GEN1: variants seen among roughly 807,000 people sequenced by gnomAD.
The protein encoded by GEN1 is GEN1 structure-specific endonuclease, also known as flap endonuclease GEN homolog 1.
In GEN1, 64 loss-of-function variants were observed where a neutral mutation model predicts 67.6. The observed-to-expected ratio is 0.95, with a 90% CI of 0.77 to 1.17. The LOEUF is 1.17. GEN1 is among the 50% of genes most tolerant of loss of function. GEN1 has a pLI of 0.00. For missense variants in GEN1, 1,058 were observed against 1,048.3 expected (o/e 1.01, Z -0.13); for synonymous variants, 371 against 359.4 (o/e 1.03, Z -0.37).
upstream of GEN1, chr2:17,754,086 G>T (rs2125108105): frequency 6.6e-6 from 1 of 152,432 alleles, no homozygotes; most frequent in Non-Finnish European, 1.5e-5. Flanking sequence ...GGCCCCATTG[G>T]GGGAAAGGGG....
upstream of GEN1, among the ~76,000 whole-genome samples, chr2:17,753,354 C>CCTGGGAGGGGACGGCCGA: frequency 6.6e-6 from 1 of 152,176 alleles, no homozygotes; most frequent in Non-Finnish European, 1.5e-5. Flanking sequence ...GGGACGGCCG[C>CCTGGGAGGGGACGGCCGA]CTGGGAGGGG....
At position 17,760,105 on chromosome 2, in the gene GEN1, G is replaced by A; in HGVS notation, c.161+1G>A. ...GCAGCGTCATGAAGCCCCACCTCAG[G>A]TATAGTAAAAGCTCTTACAGTATAA... On this transcript the variant is annotated splice_donor_variant, in intron 2 of 13. Coordinates refer to ENST00000381254, the MANE Select transcript of GEN1 (RefSeq NM_001130009.3). LOFTEE classifies it high-confidence loss of function. 6.2e-7 allele frequency: 1 copy of A among 1,613,566 alleles called. No homozygotes were observed. The highest frequency in any genetic ancestry group is 8.5e-7 in the Non-Finnish European group (1 of 1,179,734).
At chr2:17,755,875 T>C (rs528576236) in intron 1 of GEN1, 68 of 152,334 alleles carry the variant, frequency 4.5e-4, no homozygotes, top group African/African-American at 1.6e-3. Context: ...GCTTATTAGC[T>C]TTTAAGGAAG....
Position 17,787,124 on chromosome 2 carries a change from G to A in GEN1, c.*5185G>A, listed in dbSNP as rs946245061. The A allele has an allele frequency of 6.6e-6, 1 of 152,092 alleles. No homozygotes were observed. The highest frequency in any genetic ancestry group is 1.5e-5 in the Non-Finnish European group (1 of 68,026). The allele number at this position is 152,092 out of a possible 1,614,324, so 9.4% of individuals were successfully genotyped here. ...TGGCTAGATAAACCTCATCTATTAA[G>A]GACCAGCTCACATGTCATAACTTTA... On this transcript the variant is annotated 3_prime_UTR_variant, in exon 14 of 14. Coordinates refer to ENST00000381254, the MANE Select transcript of GEN1 (RefSeq NM_001130009.3).
chr2:17,773,397 T>A, intron 10 of GEN1, 98 bp downstream of exon 10: 1 of 705,962 alleles, frequency 1.4e-6, no homozygotes, highest in South Asian at 1.9e-5. Flanking sequence ...GGTTTAAAAT[T>A]AAAACAGGCA....
In GEN1 at chr2:17,766,573, C is replaced by G; in HGVS notation, c.526-6C>G. 6.8e-7 allele frequency: 1 copy of G among 1,479,568 alleles called. No homozygotes were observed. Among genetic ancestry groups the G allele is most frequent in the South Asian group, 1.2e-5 (1 of 84,906 alleles). The allele number at this position is 1,479,568 out of a possible 1,614,324, so 91.7% of individuals were successfully genotyped here. A position where few individuals can be genotyped will look rare whatever the true frequency, so the allele number is the denominator to read the frequency against. On this transcript the variant is annotated splice_polypyrimidine_tract_variant and splice_region_variant and intron_variant, in intron 4 of 13. Coordinates refer to ENST00000381254, the MANE Select transcript of GEN1 (RefSeq NM_001130009.3). ...GAGGATTAAACTAAATCTGTTCTTT[C>G]TTTAGGACCCACATGTTGACTGTTA...
intron 10 of GEN1, 61 bp downstream of exon 10, chr2:17,773,360 A>T: frequency 9.9e-7 from 1 of 1,009,934 alleles, no homozygotes. Flanking sequence ...ATAGGAACAG[A>T]TATTCACTCT....
At chr2:17,765,222 A>G in intron 4 of GEN1, 149 bp downstream of exon 4, 1 of 657,410 alleles carries the variant, frequency 1.5e-6, no homozygotes, top group South Asian at 2.1e-5. Flanking sequence ...ATTAAAAATC[A>G]TTGCCACATA....
At chr2:17,777,746 C>A (rs568162823) in intron 11 of GEN1, among the ~76,000 whole-genome samples, 240 of 151,992 alleles carry the variant, frequency 1.6e-3, no homozygotes, top group Middle Eastern at 0.014. Flanking sequence ...AATTTTAAAA[C>A]AAAAATCATT....
At position 17,767,449 on chromosome 2, in the gene GEN1, G is replaced by A. The variant is rs78752065; in HGVS notation, c.636+760G>A. ...ATTTTTTTTCCATCTGAGCTCAGGAGAAAGGAAAATATAGCAGGGTAATAA... is the reference window on the plus strand; with the variant it reads ...ATTTTTTTTCCATCTGAGCTCAGGAAAAAGGAAAATATAGCAGGGTAATAA... On this transcript the variant is annotated intron_variant, in intron 5 of 13. Coordinates refer to ENST00000381254, the MANE Select transcript of GEN1 (RefSeq NM_001130009.3). Among the ~76,000 whole-genome samples, 706 of 152,210 alleles carry A rather than the reference G, an allele frequency of 4.6e-3. 8 individuals carry two copies. Among genetic ancestry groups the A allele is most frequent in the African/African-American group, 0.016 (663 of 41,548 alleles).
upstream of GEN1, chr2:17,753,973 T>TGATTTGCC (rs1671257453): frequency 6.6e-6 from 1 of 151,502 alleles, no homozygotes; most frequent in African/African-American, 2.4e-5. Context: ...GGGAGGTGAG[T>TGATTTGCC]GATTTGCCTA....
At chr2:17,775,607 T>G (rs1350324913) in intron 11 of GEN1, among the ~76,000 whole-genome samples, 1 of 152,158 alleles carries the variant, frequency 6.6e-6, no homozygotes, top group East Asian at 1.9e-4. Context: ...TCAATGGATG[T>G]TAAAACCATT....
Position 17,768,767 on chromosome 2 carries a change from A to T in GEN1, c.666A>T (p.Ala222=). 18 of 1,611,838 alleles carry T rather than the reference A, an allele frequency of 1.1e-5. No homozygotes were observed. The highest frequency in any genetic ancestry group is 1.5e-5 in the Non-Finnish European group (18 of 1,178,612). The change falls in exon 6 of 14, where the codon GCA becomes GCT. Residue 222 remains alanine (A), a synonymous_variant. Coordinates refer to ENST00000381254, the MANE Select transcript of GEN1 (RefSeq NM_001130009.3). The part of the protein sequence containing the change: ...KGVPGVGKEQ[A]LKLIQILKGQ... ...TCCCTGGAGTTGGAAAAGAGCAAGCATTAAAACTTATACAGATTTTGAAAG... is the reference window on the plus strand; with the variant it reads ...TCCCTGGAGTTGGAAAAGAGCAAGCTTTAAAACTTATACAGATTTTGAAAG...
chr2:17,760,122 A>T lies in GEN1; in HGVS notation c.161+18A>T. 6.2e-7 allele frequency: 1 copy of T among 1,611,580 alleles called. No individual in the cohort carries two copies. The highest frequency in any genetic ancestry group is 8.5e-7 in the Non-Finnish European group (1 of 1,178,482). On this transcript the variant is annotated intron_variant, in intron 2 of 13. Transcript: ENST00000381254. ...CACCTCAGGTATAGTAAAAGCTCTT[A>T]CAGTATAAATGTATGATGTATAAAC...
At position 17,781,097 on chromosome 2, in the gene GEN1, C is replaced by G. The variant is rs759767887; in HGVS notation, c.1885C>G (p.Pro629Ala). The G allele has an allele frequency of 1.7e-5, 27 of 1,613,400 alleles. 1 individual carries two copies. In the South Asian group the frequency reaches 3.0e-4, roughly 18 times the overall value. Residue 629 changes from proline (P) to alanine (A), a missense_variant, in exon 14 of 14, where the codon CCA becomes GCA. By Grantham distance (27) the Pro-to-Ala change is conservative (BLOSUM62 -1). Transcript: ENST00000381254. ...SAIPDGFENI[P>A]EQLSCESERY... ...CATCCCTGATGGCTTTGAAAATATCCCAGAACAACTGTCCTGTGAATCAGA... is the reference window on the plus strand; with the variant it reads ...CATCCCTGATGGCTTTGAAAATATCGCAGAACAACTGTCCTGTGAATCAGA...
At chr2:17,763,618 A>G (rs1229795487) in intron 3 of GEN1, among the ~76,000 whole-genome samples, 2 of 152,224 alleles carry the variant, frequency 1.3e-5, no homozygotes, top group Non-Finnish European at 2.9e-5. Flanking sequence ...TGGTAGAGAC[A>G]TAGAGTGGGA....
In GEN1 at chr2:17,772,611, A is replaced by C. The variant is rs369259669; in HGVS notation, c.803-23A>C. On this transcript the variant is annotated intron_variant, in intron 7 of 13. Coordinates refer to ENST00000381254, the MANE Select transcript of GEN1 (RefSeq NM_001130009.3). ...AATTATAAAAGGCAAAAAATATTAT[A>C]CTTTTTTTGGGTCTCCATAAAGGTT... The C allele has an allele frequency of 2.3e-5, 36 of 1,571,482 alleles. No homozygotes were observed. In the African/African-American group the frequency reaches 5.0e-4, roughly 22 times the overall value.
At position 17,773,061 on chromosome 2, in the gene GEN1, T is replaced by C. The variant is rs766511314; in HGVS notation, c.954-35T>C. ...GATTTCAGAGTCTAAAATTGTCTGA[T>C]TATAGTAATAACATGTATATAATTT... is the stretch of plus-strand genomic sequence containing the variant. On this transcript the variant is annotated intron_variant, in intron 8 of 13. Transcript: ENST00000381254. 2.9e-6 allele frequency: 4 copies of C among 1,380,828 alleles called. No individual in the cohort carries two copies. The African/African-American group carries it at 5.8e-5, about 20-fold the overall frequency. The allele number at this position is 1,380,828 out of a possible 1,614,324, so 85.5% of individuals were successfully genotyped here. A position where few individuals can be genotyped will look rare whatever the true frequency, so the allele number is the denominator to read the frequency against.
In GEN1 at chr2:17,780,949, G is replaced by T. The variant is rs1182022474; in HGVS notation, c.1737G>T (p.Val579=). ...ATACCTCATCTCATAATATATCCGTGATTGCTGATCTACACTTGAGCACTA... is the reference window on the plus strand; with the variant it reads ...ATACCTCATCTCATAATATATCCGTTATTGCTGATCTACACTTGAGCACTA... ...QPNTSSHNIS[V]IADLHLSTID... The change falls in exon 14 of 14, where the codon GTG becomes GTT. Residue 579 remains valine (V), a synonymous_variant. Coordinates refer to ENST00000381254, the MANE Select transcript of GEN1 (RefSeq NM_001130009.3). The T allele has an allele frequency of 2.5e-6, 4 of 1,597,104 alleles. No individual in the cohort carries two copies. The highest frequency in any genetic ancestry group is 1.7e-4 in the Middle Eastern group (1 of 5,996).
Sources: allele counts gnomAD v4.1 joint callset (sites outside exome capture counted in the v4.1 genomes callset), GRCh38; gene constraint gnomAD v4.1.1; transcripts MANE v1.5; gene names NCBI Gene and HGNC (gene_info 2026-07-23, HGNC 2026-07-21).